The following MYH3 variants were observed in gnomAD, a reference collection of about 807,000 sequenced individuals.
MYH3 encodes myosin heavy chain 3, also known as myosin-3.
A neutral mutation model predicts 238.0 loss-of-function variants in MYH3; 130 were observed. The ratio of observed to expected loss-of-function variants is 0.55; its 90% confidence interval spans 0.47 to 0.63. The LOEUF is 0.63. Among genes scored for constraint, MYH3 ranks in the 30% least tolerant of loss-of-function variants. MYH3 has a pLI of 0.00. For synonymous variants in MYH3, 880 were observed against 924.1 expected, an observed-to-expected ratio of 0.95 and a Z score of 0.86; for missense variants, 1,853 against 2,374.9, an observed-to-expected ratio of 0.78 and a Z score of 4.57.
At position 10,642,101 on chromosome 17, in the gene MYH3, C is replaced by T; in HGVS notation, c.1959+139G>A. On this transcript the variant is annotated intron_variant, in intron 17 of 40. Transcript: ENST00000583535. The surrounding 1 kb of genome is among the most constrained non-coding windows in gnomAD (Gnocchi z 5.4). ...GACCGTATTTATTATATTTTATCAT[C>T]TGTCACTTCACCTCAGTGACAGTAA... 4 of 746,242 alleles carry T rather than the reference C, an allele frequency of 5.4e-6. No homozygotes were observed. Among genetic ancestry groups the T allele is most frequent in the East Asian group, 2.7e-5 (1 of 36,936 alleles). The allele number at this position is 746,242 out of a possible 1,614,324, so 46.2% of individuals were successfully genotyped here. A position where few individuals can be genotyped will look rare whatever the true frequency, so the allele number is the denominator to read the frequency against.
At chr17:10,648,196 C>T (rs1363624579) in intron 8 of MYH3, among the ~76,000 whole-genome samples, 1 of 152,066 alleles carries the variant, frequency 6.6e-6, no homozygotes, top group African/African-American at 2.4e-5. Flanking sequence ...TCTGTAGGTG[C>T]CCTGACTGCA....
rs1340344303 is a variant in MYH3 at position 10,630,405 on chromosome 17, A to C, written c.5340T>G (p.Leu1780=). The change falls in exon 37 of 41, where the codon CTT becomes CTG. Residue 1780 remains leucine (L), a synonymous_variant. Transcript: ENST00000583535. ...LKKEQDTSAH[L]ERMKKNLEQT... is the part of the protein sequence containing the mutation. ...GTTCCAGGTTCTTCTTCATCCGCTC[A>C]AGGTGGGCGCTGGTGTCCTGCTCCT... 22 of 1,614,034 alleles carry C rather than the reference A, an allele frequency of 1.4e-5. No homozygotes were observed. Among genetic ancestry groups the C allele is most frequent in the Non-Finnish European group, 1.8e-5 (21 of 1,180,004 alleles).
chr17:10,667,900 T>C, the MYH3 span, among the ~76,000 whole-genome samples: 1 of 152,172 alleles, frequency 6.6e-6, no homozygotes, highest in South Asian at 2.1e-4. Flanking sequence ...TTTTGACTTT[T>C]GAACCATATA....
rs7406933 is a variant in MYH3 at position 10,649,998 on chromosome 17, A to G, written c.534-313T>C. ...TTTATTTTTTATTTTTTGAGACAGA[A>G]TCTCACTCTGCTGCCCAGGCTGGAG... On this transcript the variant is annotated intron_variant, in intron 6 of 40. Transcript: ENST00000583535. 0.63 allele frequency among the ~76,000 whole-genome samples: 95,642 copies of G among 151,748 alleles called. 32,035 individuals carry two copies. The highest frequency in any genetic ancestry group is 0.77 in the Non-Finnish European group (52,248 of 67,940).
At chr17:10,676,871 T>C in the MYH3 span, 2 of 152,314 alleles carry the variant, frequency 1.3e-5, no homozygotes, top group Middle Eastern at 3.4e-3. Flanking sequence ...GAAAAGTATA[T>C]AGAAAATAAT....
chr17:10,659,858 T>C (rs1487673311), upstream of MYH3, among the ~76,000 whole-genome samples: 1 of 152,198 alleles, frequency 6.6e-6, no homozygotes, highest in Non-Finnish European at 1.5e-5. Context: ...AGGTCAGCTC[T>C]CCAGGAGAAA....
the MYH3 span, among the ~76,000 whole-genome samples, chr17:10,666,050 T>C: frequency 6.6e-6 from 1 of 151,984 alleles, no homozygotes; most frequent in Non-Finnish European, 1.5e-5. Context: ...GATGGCTATT[T>C]GGAAAAAAAA....
chr17:10,664,027 C>T, the MYH3 span, among the ~76,000 whole-genome samples: 2 of 138,660 alleles, frequency 1.4e-5, no homozygotes, highest in East Asian at 2.2e-4. Context: ...CGTGCCATTG[C>T]ACTCCAGCCT....
chr17:10,665,558 C>T, the MYH3 span, among the ~76,000 whole-genome samples: 1 of 152,158 alleles, frequency 6.6e-6, no homozygotes, highest in Non-Finnish European at 1.5e-5. Flanking sequence ...GAAGAAAAGA[C>T]TCTATAGCAA....
At chr17:10,650,224 T>TGC in intron 6 of MYH3, 150 bp downstream of exon 6, 2 of 702,164 alleles carry the variant, frequency 2.8e-6, no homozygotes, top group Non-Finnish European at 5.0e-6. Context: ...GATCCGCCCA[T>TGC]CTCAGCCTAC....
chr17:10,642,379 TGGAG>T lies in MYH3; in HGVS notation c.1888+34_1888+37del. ...AGGTTTTTTGTTACTGTGGAACAAA[TGGAG>T]GGAAATCACATGGACACAAAGCACT... On this transcript the variant is annotated intron_variant, in intron 16 of 40. Transcript: ENST00000583535. This position sits in a 1 kb window ranked among gnomAD's most constrained non-coding sequence, Gnocchi z 5.4. 6.2e-7 allele frequency: 1 copy of T among 1,613,964 alleles called. No homozygotes were observed. The highest frequency in any genetic ancestry group is 8.5e-7 in the Non-Finnish European group (1 of 1,179,824).
chr17:10,664,649 T>C, the MYH3 span, among the ~76,000 whole-genome samples: 1 of 149,242 alleles, frequency 6.7e-6, no homozygotes, highest in Admixed American at 6.7e-5. Context: ...GGACTCAAGA[T>C]GAGAGTCAGG....
chr17:10,658,151 G>C (rs940060429), upstream of MYH3, among the ~76,000 whole-genome samples: 8 of 152,276 alleles, frequency 5.3e-5, no homozygotes, highest in Admixed American at 2.6e-4. Context: ...GCGGACAAGG[G>C]GGGGCTGTCT....
At position 10,640,047 on chromosome 17, in the gene MYH3, T is replaced by G. The variant is rs1406016881; in HGVS notation, c.2631A>C (p.Lys877Asn). Residue 877 changes from lysine to asparagine, a missense_variant, in exon 22 of 41, where the codon AAA (lysine) becomes AAC (asparagine). Physicochemically the swap from Lys to Asn is moderately conservative, Grantham distance 94 (BLOSUM62 0). Transcript: ENST00000583535. ...SEAKRKELEE[K>N]LVTLVQEKND... ...TCTTCTCTTGGACCAGAGTCACCAG[T>G]TTTTCCTCTAGCTCCTTCCTTTTTG... 7 of 1,614,138 alleles carry G rather than the reference T, an allele frequency of 4.3e-6. No individual in the cohort carries two copies. Among genetic ancestry groups the G allele is most frequent in the Non-Finnish European group, 5.9e-6 (7 of 1,180,042 alleles).
chr17:10,665,807 T>C, the MYH3 span, among the ~76,000 whole-genome samples: 2 of 152,076 alleles, frequency 1.3e-5, no homozygotes, highest in Non-Finnish European at 2.9e-5. Context: ...GTAAAGAAAA[T>C]ACTGAAAAAA....
At chr17:10,666,042 T>A in the MYH3 span, among the ~76,000 whole-genome samples, 1 of 152,020 alleles carries the variant, frequency 6.6e-6, no homozygotes, top group Non-Finnish European at 1.5e-5. Context: ...GACAACCAGA[T>A]GGCTATTTGG....
At chr17:10,662,085 G>A (rs570333301), upstream of MYH3, among the ~76,000 whole-genome samples, 2 of 151,348 alleles carry the variant, frequency 1.3e-5, no homozygotes, top group Non-Finnish European at 2.9e-5. Context: ...GCAGTGCCAT[G>A]ATCTTGGCTC....
Position 10,635,738 on chromosome 17 carries a change from G to T in MYH3, c.3972C>A (p.Asn1324Lys). The T allele has an allele frequency of 1.2e-6, 2 of 1,613,750 alleles. No homozygotes were observed. Among genetic ancestry groups the T allele is most frequent in the Non-Finnish European group, 1.7e-6 (2 of 1,179,648 alleles). ...AAGTCTTCCTTCAATGGTGTACCTTGTTCTCTTCCTCCAGCTGCCTCTTGA... is the reference window on the plus strand; with the variant it reads ...AAGTCTTCCTTCAATGGTGTACCTTTTTCTCTTCCTCCAGCTGCCTCTTGA... Reference protein sequence around the residue: ...EELKRQLEEENKAKNALAHAL... With the variant: ...EELKRQLEEEKKAKNALAHAL... The change falls in exon 29 of 41, where the codon AAC becomes AAA. Residue 1324 changes from asparagine to lysine, a missense_variant. Asn to Lys is a moderately conservative substitution (Grantham distance 94). Transcript: ENST00000583535.
intron 34 of MYH3, 128 bp downstream of exon 34, chr17:10,632,348 G>T: frequency 9.0e-7 from 1 of 1,106,266 alleles, no homozygotes; most frequent in East Asian, 2.4e-5. Flanking sequence ...CAAACTCCTG[G>T]GCTCAAGTGA....
Sources: allele counts gnomAD v4.1 joint callset (sites outside exome capture counted in the v4.1 genomes callset), GRCh38; gene constraint gnomAD v4.1.1; non-coding constraint Gnocchi (gnomAD v3.1); transcripts MANE v1.5; gene names NCBI Gene and HGNC (gene_info 2026-07-23, HGNC 2026-07-21).